RPS6KC1: variants seen among roughly 807,000 people sequenced by gnomAD.
RPS6KC1 encodes the protein ribosomal protein S6 kinase C1.
In RPS6KC1, 54 loss-of-function variants were observed where a neutral mutation model predicts 103.8. The ratio of observed to expected loss-of-function variants is 0.52; its 90% confidence interval spans 0.42 to 0.65. RPS6KC1 has a LOEUF of 0.65. RPS6KC1 is among the 30% of genes least tolerant of loss of function. The probability of loss-of-function intolerance (pLI) is 0.00; values close to 1 mark genes in which losing one functional copy is unlikely to be tolerated. For synonymous variants in RPS6KC1, 439 were observed against 438.7 expected (o/e 1.00, Z -0.01); for missense variants, 1,151 against 1,253.8 (o/e 0.92, Z 1.24).
intron 14 of RPS6KC1, among the ~76,000 whole-genome samples, chr1:213,265,769 G>A (rs2094897685): frequency 6.6e-6 from 1 of 152,152 alleles, no homozygotes; most frequent in African/African-American, 2.4e-5. Context: ...TGAAGTGTAT[G>A]TTTCACTCCC....
chr1:213,773,420 A>G, the RPS6KC1 span, among the ~76,000 whole-genome samples: 5 of 149,030 alleles, frequency 3.4e-5, no homozygotes, highest in East Asian at 9.7e-4. Flanking sequence ...ATATATCTAT[A>G]TATCTATATC....
chr1:213,771,123 C>T, the RPS6KC1 span, among the ~76,000 whole-genome samples: 1 of 150,912 alleles, frequency 6.6e-6, no homozygotes, highest in Non-Finnish European at 1.5e-5. Context: ...CTTCTCTCTC[C>T]TTTGTTTGTT....
chr1:213,451,789 A>C, the RPS6KC1 span, among the ~76,000 whole-genome samples: 1 of 152,202 alleles, frequency 6.6e-6, no homozygotes, highest in Non-Finnish European at 1.5e-5. Context: ...CTGGGGCAAG[A>C]ACCCAGGCCT....
At chr1:213,626,160 T>C in the RPS6KC1 span, among the ~76,000 whole-genome samples, 1 of 152,236 alleles carries the variant, frequency 6.6e-6, no homozygotes. Context: ...TGTTTTTGAT[T>C]TGCATTTCTC....
chr1:213,817,397 G>A, the RPS6KC1 span, among the ~76,000 whole-genome samples: 1 of 152,198 alleles, frequency 6.6e-6, no homozygotes, highest in Non-Finnish European at 1.5e-5. Flanking sequence ...AGCATAAACT[G>A]AAATGTAGCT....
the RPS6KC1 span, among the ~76,000 whole-genome samples, chr1:213,293,880 A>T: frequency 6.6e-6 from 1 of 152,250 alleles, no homozygotes; most frequent in Non-Finnish European, 1.5e-5. Flanking sequence ...TACTATTAAG[A>T]TACCATAACT....
rs937335811 is a variant in RPS6KC1 at position 213,078,352 on chromosome 1, G to A, written c.262+536G>A. ...TCCCCTGTCTGGATTTTGACTGGAA[G>A]TATAGAATATTCATGTTTTTTTTCT... On this transcript the variant is annotated intron_variant, in intron 3 of 14. Coordinates refer to ENST00000366960, the MANE Select transcript of RPS6KC1 (RefSeq NM_012424.6). Among the ~76,000 whole-genome samples the A allele has an allele frequency of 2.6e-5, 4 of 151,376 alleles. No homozygotes were observed. In the East Asian group the frequency reaches 5.8e-4, roughly 22 times the overall value.
At chr1:213,581,938 T>G in the RPS6KC1 span, among the ~76,000 whole-genome samples, 153 of 152,086 alleles carry the variant, frequency 1.0e-3, 2 homozygotes, top group African/African-American at 3.5e-3. Context: ...CCTCCCTCAC[T>G]TCCTCCAAGC....
chr1:213,214,024 T>C (rs938417682), intron 8 of RPS6KC1, among the ~76,000 whole-genome samples: 12 of 152,006 alleles, frequency 7.9e-5, no homozygotes, highest in East Asian at 1.9e-4. Context: ...TGTCGGACAG[T>C]GGGTGCAGGA....
At chr1:213,061,803 A>G (rs1365283477) in intron 1 of RPS6KC1, among the ~76,000 whole-genome samples, 1 of 152,130 alleles carries the variant, frequency 6.6e-6, no homozygotes, top group Admixed American at 6.5e-5. Context: ...AGAGATTCAT[A>G]TCTTTGAAAA....
chr1:213,691,959 C>T, the RPS6KC1 span, among the ~76,000 whole-genome samples: 1 of 152,240 alleles, frequency 6.6e-6, no homozygotes, highest in Non-Finnish European at 1.5e-5. Context: ...TGCACTTTCT[C>T]TGAGGCCCTA....
chr1:213,678,305 G>T, the RPS6KC1 span, among the ~76,000 whole-genome samples: 1 of 152,320 alleles, frequency 6.6e-6, no homozygotes, highest in South Asian at 2.1e-4. Context: ...ACTAGCCCCT[G>T]CATTAAGAAC....
At chr1:213,673,078 C>T in the RPS6KC1 span, among the ~76,000 whole-genome samples, 2 of 152,182 alleles carry the variant, frequency 1.3e-5, no homozygotes, top group Non-Finnish European at 1.5e-5. Flanking sequence ...TGTCATAGAC[C>T]TGAAGCTACT....
At chr1:213,479,617 A>G in the RPS6KC1 span, among the ~76,000 whole-genome samples, 2 of 151,364 alleles carry the variant, frequency 1.3e-5, no homozygotes, top group Non-Finnish European at 2.9e-5. Flanking sequence ...GTTGTCAGAG[A>G]TGATGTTAAA....
At chr1:213,096,276 C>G (rs1437212513) in intron 3 of RPS6KC1, among the ~76,000 whole-genome samples, 4 of 152,362 alleles carry the variant, frequency 2.6e-5, no homozygotes, top group Admixed American at 1.3e-4. Flanking sequence ...GTCACGTCTT[C>G]AGGCTCCTCT....
At chr1:213,570,529 G>A in the RPS6KC1 span, among the ~76,000 whole-genome samples, 1 of 152,176 alleles carries the variant, frequency 6.6e-6, no homozygotes, top group Non-Finnish European at 1.5e-5. Flanking sequence ...CAGGATAGAA[G>A]AACATGTGCT....
chr1:213,328,489 G>T, the RPS6KC1 span, among the ~76,000 whole-genome samples: 1 of 134,858 alleles, frequency 7.4e-6, no homozygotes, highest in African/African-American at 2.7e-5. Context: ...TAGGAACTGG[G>T]AGTCAGCCAT....
At chr1:213,460,419 T>G in the RPS6KC1 span, among the ~76,000 whole-genome samples, 1 of 151,536 alleles carries the variant, frequency 6.6e-6, no homozygotes, top group East Asian at 1.9e-4. Flanking sequence ...TTTTTTTTTT[T>G]TTTTGCTTTC....
intron 8 of RPS6KC1, among the ~76,000 whole-genome samples, chr1:213,183,181 A>G (rs2092367211): frequency 6.6e-6 from 1 of 152,106 alleles, no homozygotes; most frequent in African/African-American, 2.4e-5. Context: ...ATGAAGCAAA[A>G]GCTGATAGAA....
Sources: allele counts gnomAD v4.1 joint callset (sites outside exome capture counted in the v4.1 genomes callset), GRCh38; gene constraint gnomAD v4.1.1; transcripts MANE v1.5; gene names NCBI Gene and HGNC (gene_info 2026-07-23, HGNC 2026-07-21).